Variants in METTL21C observed in about 807,000 individuals in gnomAD.
METTL21C encodes methyltransferase 21C, AARS1 lysine.
Under a neutral mutation model 25.9 loss-of-function variants are expected in METTL21C, and 21 were observed. The ratio of observed to expected loss-of-function variants is 0.81; its 90% confidence interval spans 0.58 to 1.17. The LOEUF (loss-of-function observed/expected upper bound fraction) is 1.17, where lower values mean the gene tolerates loss of function less well. METTL21C is among the 50% of genes most tolerant of loss of function. The pLI, the probability that METTL21C is intolerant of heterozygous loss-of-function variation, is 0.00. For synonymous variants in METTL21C, 125 were observed against 124.7 expected (o/e 1.00, Z -0.01); for missense variants, 312 against 315.1 (o/e 0.99, Z 0.07).
At chr13:102,690,991 T>A (rs200014895) in intron 1 of METTL21C, 27 bp from the exon 2 acceptor site, 44 of 1,611,738 alleles carry the variant, frequency 2.7e-5, no homozygotes, top group Non-Finnish European at 2.2e-5. Context: ...TAAAATGGAG[T>A]TCATGATTTG....
chr13:102,689,748 A>G (rs780904013), intron 2 of METTL21C, among the ~76,000 whole-genome samples: 1 of 152,246 alleles, frequency 6.6e-6, no homozygotes, highest in Non-Finnish European at 1.5e-5. Context: ...TTACCACGCC[A>G]GCAGACTGGC....
At chr13:102,687,084 T>C in intron 2 of METTL21C, 27 bp from the exon 3 acceptor site, 1 of 1,571,042 alleles carries the variant, frequency 6.4e-7, no homozygotes, top group South Asian at 1.1e-5. Context: ...ACTTTTCATG[T>C]GGGCATTGGA....
intron 1 of METTL21C, among the ~76,000 whole-genome samples, chr13:102,692,151 G>C (rs181857394): frequency 2.0e-5 from 3 of 152,178 alleles, no homozygotes; most frequent in Non-Finnish European, 4.4e-5. Context: ...TTTGGACAAA[G>C]GTAGAAGGGG....
At chr13:102,703,304 G>A in the METTL21C span, among the ~76,000 whole-genome samples, 13 of 152,198 alleles carry the variant, frequency 8.5e-5, no homozygotes, top group East Asian at 1.9e-4. Flanking sequence ...GGAACTTCTA[G>A]CCCTGAGGGT....
chr13:102,685,833 G>T lies in METTL21C; in HGVS notation c.*198C>A. 1 of 516,076 alleles carries T rather than the reference G, an allele frequency of 1.9e-6. No homozygotes were observed. The highest frequency in any genetic ancestry group is 3.3e-6 in the Non-Finnish European group (1 of 306,230). 32.0% of individuals were successfully genotyped at this position (516,076 alleles called of 1,614,324 possible). ...TCATGTTTTTATGTTGTTCTTTTTA[G>T]ATATTTAGATTAACCAGATAATCTT... On this transcript the variant is annotated 3_prime_UTR_variant, in exon 4 of 4. Transcript: ENST00000267273.
chr13:102,689,066 C>T (rs1012719230), intron 2 of METTL21C, among the ~76,000 whole-genome samples: 4 of 151,792 alleles, frequency 2.6e-5, no homozygotes, highest in Admixed American at 1.3e-4. Context: ...GACAAATATT[C>T]TTTTTTCAAT....
At chr13:102,688,951 C>T (rs1180650062) in intron 2 of METTL21C, among the ~76,000 whole-genome samples, 1 of 152,172 alleles carries the variant, frequency 6.6e-6, no homozygotes, top group Non-Finnish European at 1.5e-5. Context: ...GAAAAGGGCG[C>T]CTTCCCACTC....
the METTL21C span, among the ~76,000 whole-genome samples, chr13:102,701,774 G>T: frequency 6.6e-6 from 1 of 152,144 alleles, no homozygotes; most frequent in Non-Finnish European, 1.5e-5. Context: ...CCCTTTAACA[G>T]ACTAAAGAAG....
chr13:102,701,286 C>T, the METTL21C span, among the ~76,000 whole-genome samples: 14 of 152,036 alleles, frequency 9.2e-5, no homozygotes, highest in East Asian at 1.9e-4. Context: ...GGCCTAGATG[C>T]GCCTCTTCAG....
In METTL21C at chr13:102,695,032, G is replaced by T. The variant is rs979868636; in HGVS notation, c.-534C>A. ...CTGTGGCATCCAGTTGCTGCGATGT[G>T]GTTCGAAACGTTAGACTTCCAGTTC... On this transcript the variant is annotated 5_prime_UTR_variant, in exon 1 of 4. Coordinates refer to ENST00000267273, the MANE Select transcript of METTL21C (RefSeq NM_001010977.3). 1.3e-5 allele frequency among the ~76,000 whole-genome samples: 2 copies of T among 152,078 alleles called. No homozygotes were observed. Among genetic ancestry groups the T allele is most frequent in the African/African-American group, 4.8e-5 (2 of 41,410 alleles).
intron 2 of METTL21C, 55 bp downstream of exon 2, chr13:102,690,758 T>C: frequency 6.3e-7 from 1 of 1,586,402 alleles, no homozygotes; most frequent in Non-Finnish European, 8.6e-7. Context: ...AACTCTGAAG[T>C]ACGGAATTGT....
intron 2 of METTL21C, among the ~76,000 whole-genome samples, chr13:102,689,036 T>C (rs1461160934): frequency 6.6e-6 from 1 of 152,208 alleles, no homozygotes; most frequent in African/African-American, 2.4e-5. Flanking sequence ...AGTGATACCT[T>C]GTTCAGAATA....
At chr13:102,698,095 T>A (rs1314403131), upstream of METTL21C, among the ~76,000 whole-genome samples, 1 of 152,100 alleles carries the variant, frequency 6.6e-6, no homozygotes, top group Non-Finnish European at 1.5e-5. Flanking sequence ...CAGGAGCAAG[T>A]GAAATTTTAT....
rs1885672045 is a variant in METTL21C at position 102,686,348 on chromosome 13, A to G, written c.478T>C (p.Cys160Arg). 1.2e-6 allele frequency: 2 copies of G among 1,614,062 alleles called. No individual in the cohort carries two copies. Among genetic ancestry groups the G allele is most frequent in the Admixed American group, 1.7e-5 (1 of 60,000 alleles). Residue 160 changes from cysteine to arginine, a missense_variant, in exon 4 of 4, where the codon TGT becomes CGT. By Grantham distance (180) the Cys-to-Arg change is radical. Coordinates refer to ENST00000267273, the MANE Select transcript of METTL21C (RefSeq NM_001010977.3). ...QYNLLKNTLQ[C>R]TAHLPEVKEL... ...TTCACTTCAGGCAGATGTGCTGTACATTGTAGTGTGTTTTTTAAAAGATTG... is the reference window on the plus strand; with the variant it reads ...TTCACTTCAGGCAGATGTGCTGTACGTTGTAGTGTGTTTTTTAAAAGATTG...
Position 102,686,433 on chromosome 13 carries a change from A to G in METTL21C, c.401-8T>C, listed in dbSNP as rs1203584903. On this transcript the variant is annotated splice_region_variant and splice_polypyrimidine_tract_variant and intron_variant, in intron 3 of 3. Coordinates refer to ENST00000267273, the MANE Select transcript of METTL21C (RefSeq NM_001010977.3). ...TTGCTGTGACTTGAGCTCCTAAGAGAAAAAGAAAACAATGACCTGGAAACA... is the reference window on the plus strand; with the variant it reads ...TTGCTGTGACTTGAGCTCCTAAGAGGAAAAGAAAACAATGACCTGGAAACA... 6.2e-7 allele frequency: 1 copy of G among 1,600,508 alleles called. No individual in the cohort carries two copies. Among genetic ancestry groups the G allele is most frequent in the Non-Finnish European group, 8.5e-7 (1 of 1,174,014 alleles).
chr13:102,695,196 A>G (rs942706180), upstream of METTL21C, among the ~76,000 whole-genome samples: 1 of 152,116 alleles, frequency 6.6e-6, no homozygotes, highest in Admixed American at 6.5e-5. Flanking sequence ...CAGAAAGAAC[A>G]CAAGGATCTA....
At chr13:102,688,059 G>A (rs529395424) in intron 2 of METTL21C, among the ~76,000 whole-genome samples, 3 of 152,270 alleles carry the variant, frequency 2.0e-5, no homozygotes, top group South Asian at 2.1e-4. Flanking sequence ...ATAGCCCAGC[G>A]TGAGGAACGT....
the METTL21C span, among the ~76,000 whole-genome samples, chr13:102,700,246 G>A: frequency 3.3e-5 from 5 of 152,208 alleles, no homozygotes; most frequent in Non-Finnish European, 7.3e-5. Flanking sequence ...CACTGCAGGG[G>A]ATGGCCTGGC....
chr13:102,692,124 G>C (rs529716475), intron 1 of METTL21C, among the ~76,000 whole-genome samples: 8 of 152,132 alleles, frequency 5.3e-5, no homozygotes, highest in Non-Finnish European at 7.4e-5. Flanking sequence ...ATGTTTAACC[G>C]GGGGTCAAAT....
Sources: allele counts gnomAD v4.1 joint callset (sites outside exome capture counted in the v4.1 genomes callset), GRCh38; gene constraint gnomAD v4.1.1; transcripts MANE v1.5; gene names NCBI Gene and HGNC (gene_info 2026-07-23, HGNC 2026-07-21).